The following CCDC85A variants were observed in gnomAD, a reference collection of about 807,000 sequenced individuals.
CCDC85A encodes coiled-coil domain containing 85A.
A neutral mutation model predicts 50.2 loss-of-function variants in CCDC85A; 38 were observed. The observed-to-expected ratio is 0.76, with a 90% CI of 0.58 to 0.99. The LOEUF is 0.99. Among genes scored for constraint, CCDC85A ranks in the 50% least tolerant of loss-of-function variants. The pLI, the probability that CCDC85A is intolerant of heterozygous loss-of-function variation, is 0.00. For missense variants in CCDC85A, 820 were observed against 742.0 expected, an observed-to-expected ratio of 1.11 and a Z score of -1.22; for synonymous variants, 366 against 301.4, an observed-to-expected ratio of 1.21 and a Z score of -2.22.
At chr2:56,382,507 T>C (rs908401714) in intron 5 of CCDC85A, among the ~76,000 whole-genome samples, 2 of 151,998 alleles carry the variant, frequency 1.3e-5, no homozygotes, top group Admixed American at 1.3e-4. Flanking sequence ...AAATAGTAAA[T>C]CTGCCTTTTT....
intron 2 of CCDC85A, among the ~76,000 whole-genome samples, chr2:56,290,203 G>A (rs1240841343): frequency 6.6e-6 from 1 of 152,128 alleles, no homozygotes; most frequent in East Asian, 1.9e-4. Flanking sequence ...TTAGATTTAA[G>A]CCATTATCTT....
chr2:56,284,405 T>G (rs886159904), intron 2 of CCDC85A, among the ~76,000 whole-genome samples: 28 of 152,296 alleles, frequency 1.8e-4, no homozygotes, highest in African/African-American at 6.3e-4. Flanking sequence ...GGAGTTTCAC[T>G]CTTGTTGCCC....
At chr2:56,285,075 A>G (rs1671370854) in intron 2 of CCDC85A, among the ~76,000 whole-genome samples, 1 of 150,634 alleles carries the variant, frequency 6.6e-6, no homozygotes, top group Non-Finnish European at 1.5e-5. Context: ...TTTTGAATAG[A>G]GTTTTGACTT....
chr2:56,184,278 C>T lies in CCDC85A; in HGVS notation c.-347C>T. On this transcript the variant is annotated 5_prime_UTR_variant, in exon 1 of 6. Transcript: ENST00000407595. ...TCTCGGCTTAGGGCGGAGGAGAGGGCAGGGGAACGGCGGTGCAGCTCCCCC... is the reference window on the plus strand; with the variant it reads ...TCTCGGCTTAGGGCGGAGGAGAGGGTAGGGGAACGGCGGTGCAGCTCCCCC... 1 of 820,950 alleles carries T rather than the reference C, an allele frequency of 1.2e-6. No individual in the cohort carries two copies. The highest frequency in any genetic ancestry group is 7.7e-5 in the East Asian group (1 of 13,038). 50.9% of individuals were successfully genotyped at this position (820,950 alleles called of 1,614,324 possible). A position where few individuals can be genotyped will look rare whatever the true frequency, so the allele number is the denominator to read the frequency against.
chr2:56,248,281 C>T (rs1410162328), intron 2 of CCDC85A, among the ~76,000 whole-genome samples: 1 of 152,186 alleles, frequency 6.6e-6, no homozygotes, highest in East Asian at 1.9e-4. Context: ...GGCTCTGGAA[C>T]GGTCTCCCTT....
intron 2 of CCDC85A, among the ~76,000 whole-genome samples, chr2:56,209,314 AAAAC>A (rs1262147220): frequency 1.3e-5 from 2 of 152,126 alleles, no homozygotes; most frequent in Non-Finnish European, 2.9e-5. Flanking sequence ...AAAGAAAATT[AAAAC>A]AAACAGACAA....
intron 2 of CCDC85A, among the ~76,000 whole-genome samples, chr2:56,251,494 G>C (rs1242382270): frequency 6.6e-6 from 1 of 152,108 alleles, no homozygotes; most frequent in African/African-American, 2.4e-5. Flanking sequence ...GGGTTCTGCT[G>C]TTTCTTTTTC....
chr2:56,368,513 C>T (rs1675916362), intron 3 of CCDC85A, among the ~76,000 whole-genome samples: 1 of 152,042 alleles, frequency 6.6e-6, no homozygotes, highest in Non-Finnish European at 1.5e-5. Context: ...TTTATCCTCC[C>T]CCTTAAACTA....
chr2:56,301,281 T>C (rs1271474980), intron 2 of CCDC85A, among the ~76,000 whole-genome samples: 3 of 152,210 alleles, frequency 2.0e-5, no homozygotes, highest in Non-Finnish European at 4.4e-5. Flanking sequence ...GTGTCTTCTA[T>C]GTGCCCTTTA....
intron 2 of CCDC85A, among the ~76,000 whole-genome samples, chr2:56,292,222 A>G (rs935531647): frequency 6.6e-6 from 1 of 152,232 alleles, no homozygotes; most frequent in East Asian, 1.9e-4. Context: ...AGCTGGGACT[A>G]CAGGCAACCA....
At chr2:56,356,713 T>C (rs544603881) in intron 3 of CCDC85A, among the ~76,000 whole-genome samples, 15 of 137,234 alleles carry the variant, frequency 1.1e-4, no homozygotes, top group Non-Finnish European at 1.1e-4. Context: ...CGACAGAACT[T>C]TTTTTTTCCA....
chr2:56,242,863 T>C (rs1460667360), intron 2 of CCDC85A, among the ~76,000 whole-genome samples: 7 of 152,110 alleles, frequency 4.6e-5, no homozygotes, highest in Non-Finnish European at 1.0e-4. Context: ...GAGAATTCCT[T>C]CAATGTCTTC....
rs1440997084 is a variant in CCDC85A at position 56,342,860 on chromosome 2, T to G, written c.1241-19T>G. ...CAAGACCTGTGTGTATAATGTGAGT[T>G]CTTTCTTTTTAATTTTAGAATCAAC... On this transcript the variant is annotated intron_variant, in intron 2 of 5. Transcript: ENST00000407595. The G allele has an allele frequency of 6.5e-7, 1 of 1,538,404 alleles. No individual in the cohort carries two copies. The highest frequency in any genetic ancestry group is 1.4e-5 in the African/African-American group (1 of 72,970).
chr2:56,289,180 T>C (rs1671588409), intron 2 of CCDC85A, among the ~76,000 whole-genome samples: 1 of 152,212 alleles, frequency 6.6e-6, no homozygotes, highest in Non-Finnish European at 1.5e-5. Context: ...TGACTTCAGA[T>C]TCAGATTACC....
chr2:56,200,064 TCAC>T (rs2103846900), intron 2 of CCDC85A, among the ~76,000 whole-genome samples: 1 of 152,284 alleles, frequency 6.6e-6, no homozygotes. Context: ...AGATGGAGTT[TCAC>T]CATGTTAGCC....
chr2:56,280,485 G>T (rs1398537114), intron 2 of CCDC85A, among the ~76,000 whole-genome samples: 1 of 152,052 alleles, frequency 6.6e-6, no homozygotes, highest in Non-Finnish European at 1.5e-5. Context: ...TTGCTTGACC[G>T]TCCATAGTAC....
intron 2 of CCDC85A, among the ~76,000 whole-genome samples, chr2:56,203,795 A>T (rs1478568701): frequency 1.3e-5 from 2 of 152,214 alleles, no homozygotes; most frequent in African/African-American, 4.8e-5. Flanking sequence ...CCCCCTTTAG[A>T]TAAATTCTAT....
At chr2:56,342,468 G>A (rs895503793) in intron 2 of CCDC85A, among the ~76,000 whole-genome samples, 5 of 152,134 alleles carry the variant, frequency 3.3e-5, no homozygotes, top group Non-Finnish European at 7.4e-5. Flanking sequence ...TTCTAAGTGT[G>A]CGTGATTTTA....
chr2:56,253,542 T>A (rs1054599271), intron 2 of CCDC85A, among the ~76,000 whole-genome samples: 2 of 152,132 alleles, frequency 1.3e-5, no homozygotes, highest in South Asian at 4.1e-4. Context: ...GAGGGGAGAA[T>A]TAAATTTGAA....
Sources: allele counts gnomAD v4.1 joint callset (sites outside exome capture counted in the v4.1 genomes callset), GRCh38; gene constraint gnomAD v4.1.1; transcripts MANE v1.5; gene names NCBI Gene and HGNC (gene_info 2026-07-23, HGNC 2026-07-21).